The following CLVS1 variants were observed in gnomAD, a reference collection of about 807,000 sequenced individuals.
CLVS1 encodes the protein clavesin 1.
In CLVS1, 10 loss-of-function variants were observed where a neutral mutation model predicts 33.1. That is an observed-to-expected ratio of 0.30 (90% CI 0.19 to 0.51). The LOEUF is 0.51. Ranked by LOEUF, CLVS1 falls within the 20% of genes least tolerant of loss-of-function variation. CLVS1 has a pLI of 0.97. For missense variants in CLVS1, 343 were observed against 433.4 expected, an observed-to-expected ratio of 0.79 and a Z score of 1.85; for synonymous variants, 163 against 166.1, an observed-to-expected ratio of 0.98 and a Z score of 0.14.
chr8:61,012,606 TATGGGTGGA>T, the CLVS1 span, among the ~76,000 whole-genome samples: 4 of 152,124 alleles, frequency 2.6e-5, no homozygotes, highest in Admixed American at 2.6e-4. Flanking sequence ...ATGACATGTA[TATGGGTGGA>T]ATGGGGAGGG....
intron 1 of CLVS1, among the ~76,000 whole-genome samples, chr8:61,295,800 T>C (rs1810178530): frequency 6.6e-6 from 1 of 152,086 alleles, no homozygotes; most frequent in Admixed American, 6.6e-5. Flanking sequence ...AGTTTCCTCA[T>C]TTGAAAAATG....
rs1805358139 is a variant in CLVS1, at chr8:61,096,727, GA to G, written c.-242-35040del. Among the ~76,000 whole-genome samples, 4 of 152,126 alleles carry G rather than the reference GA, an allele frequency of 2.6e-5. No homozygotes were observed. The South Asian group carries it at 8.3e-4, about 32-fold the overall frequency. On this transcript the variant is annotated intron_variant, in intron 1 of 2. Coordinates refer to the CLVS1 transcript ENST00000522621. Reference sequence around the variant, plus strand: ...GATCTGTGTTTTGGAATGGTGAAGAGAAAGCAGATTCCCTCTCTCACAGGAT... The same window carrying G: ...GATCTGTGTTTTGGAATGGTGAAGAGAAGCAGATTCCCTCTCTCACAGGAT...
the CLVS1 span, among the ~76,000 whole-genome samples, chr8:60,987,980 G>A: frequency 1.3e-5 from 2 of 152,256 alleles, no homozygotes; most frequent in Non-Finnish European, 2.9e-5. Flanking sequence ...AGTCTGAAAT[G>A]GGGTGGGGAG....
chr8:61,076,267 T>A (rs1377291412), intron 1 of CLVS1, among the ~76,000 whole-genome samples: 1 of 152,180 alleles, frequency 6.6e-6, no homozygotes, highest in Non-Finnish European at 1.5e-5. Context: ...TTTCCCCTAT[T>A]TACAGTTTAT....
intron 2 of CLVS1, among the ~76,000 whole-genome samples, chr8:61,221,499 G>A (rs913299257): frequency 6.6e-6 from 1 of 152,112 alleles, no homozygotes; most frequent in Non-Finnish European, 1.5e-5. Context: ...ATTGATTTGT[G>A]TATGTTGAAT....
intron 1 of CLVS1, among the ~76,000 whole-genome samples, chr8:61,109,300 T>C (rs949301044): frequency 1.3e-5 from 2 of 152,150 alleles, no homozygotes; most frequent in Non-Finnish European, 2.9e-5. Flanking sequence ...TCAAAGGCCC[T>C]GGCACCTGTG....
intron 2 of CLVS1, among the ~76,000 whole-genome samples, chr8:61,356,985 A>G (rs1585852108): frequency 6.6e-6 from 1 of 152,256 alleles, no homozygotes; most frequent in African/African-American, 2.4e-5. Context: ...ATGGCCTTGA[A>G]TCTACAAATT....
chr8:61,334,104 A>G (rs956894967), intron 2 of CLVS1, among the ~76,000 whole-genome samples: 4 of 152,150 alleles, frequency 2.6e-5, no homozygotes, highest in Non-Finnish European at 5.9e-5. Flanking sequence ...TCTATCACTG[A>G]TGGACATTTA....
intron 2 of CLVS1, among the ~76,000 whole-genome samples, chr8:61,228,767 A>G (rs1808378037): frequency 6.6e-6 from 1 of 152,144 alleles, no homozygotes. Context: ...GTGTACATGT[A>G]CCACATTTTT....
Position 61,232,023 on chromosome 8 carries a change from G to GTTTGTTTGTTTGTTTGTTTTTTTTTTTTT in CLVS1, c.-151-67651_-151-67650insGTTTGTTTGTTTGTTTTTTTTTTTTTTTT. 1.7e-3 allele frequency among the ~76,000 whole-genome samples: 105 copies of GTTTGTTTGTTTGTTTGTTTTTTTTTTTTT among 62,654 alleles called. 16 individuals are homozygous for GTTTGTTTGTTTGTTTGTTTTTTTTTTTTT. Among genetic ancestry groups the GTTTGTTTGTTTGTTTGTTTTTTTTTTTTT allele is most frequent in the African/African-American group, 4.3e-3 (90 of 21,120 alleles). 41.1% of individuals were successfully genotyped at this position (62,654 alleles called of 152,430 possible). A position where few individuals can be genotyped will look rare whatever the true frequency, so the allele number is the denominator to read the frequency against. The stretch of plus-strand genomic sequence containing the variant: ...AGAAGGAGCCCTGAGGAAAGTTGTG[G>GTTTGTTTGTTTGTTTGTTTTTTTTTTTTT]TTTTTTTTTTTTTTTTTTTTTTTTT... On this transcript the variant is annotated intron_variant, in intron 2 of 2. Coordinates refer to the CLVS1 transcript ENST00000522621.
At chr8:61,461,275 G>T (rs988348128) in intron 5 of CLVS1, among the ~76,000 whole-genome samples, 12 of 152,134 alleles carry the variant, frequency 7.9e-5, no homozygotes, top group Non-Finnish European at 4.4e-5. Flanking sequence ...TTGGGGTATT[G>T]TCCCCATTAA....
In CLVS1 at chr8:61,245,244, G is replaced by A. The variant is rs999188027; in HGVS notation, c.-151-54433G>A. 1.3e-4 allele frequency among the ~76,000 whole-genome samples: 19 copies of A among 151,930 alleles called. 1 individual carries two copies. The highest frequency in any genetic ancestry group is 3.9e-4 in the Admixed American group (6 of 15,232). On this transcript the variant is annotated intron_variant, in intron 2 of 2. Coordinates refer to the CLVS1 transcript ENST00000522621. The stretch of plus-strand genomic sequence containing the variant: ...TGACAGAGTCTTGCTCTGTTGGTAG[G>A]TGATCTCAGCTCACTGCAACCTCTG...
At chr8:61,285,778 C>T (rs1328709138), upstream of CLVS1, among the ~76,000 whole-genome samples, 2 of 152,022 alleles carry the variant, frequency 1.3e-5, no homozygotes, top group African/African-American at 4.8e-5. Context: ...GCTTAATACC[C>T]AGAGAAATAC....
chr8:61,119,633 G>A (rs921892414), intron 1 of CLVS1, among the ~76,000 whole-genome samples: 2 of 149,370 alleles, frequency 1.3e-5, no homozygotes, highest in African/African-American at 5.1e-5. Context: ...CGCTTATGAA[G>A]CTTAGTTTGG....
At chr8:61,279,859 A>G (rs2129593138) in intron 2 of CLVS1, among the ~76,000 whole-genome samples, 1 of 152,356 alleles carries the variant, frequency 6.6e-6, no homozygotes, top group South Asian at 2.1e-4. Flanking sequence ...ATTCAGAAAT[A>G]ATACTAACTT....
At chr8:61,033,867 G>C in the CLVS1 span, among the ~76,000 whole-genome samples, 13 of 152,340 alleles carry the variant, frequency 8.5e-5, no homozygotes, top group East Asian at 2.1e-3. Context: ...AGAAACAAGA[G>C]AGACTGATGT....
intron 2 of CLVS1, among the ~76,000 whole-genome samples, chr8:61,200,814 G>A (rs184916130): frequency 9.9e-4 from 151 of 152,186 alleles, no homozygotes; most frequent in Middle Eastern, 3.4e-3. Context: ...TTCTTCATTA[G>A]TGAATCTGAA....
At chr8:61,325,477 T>C (rs184991924) in intron 2 of CLVS1, among the ~76,000 whole-genome samples, 82 of 152,296 alleles carry the variant, frequency 5.4e-4, no homozygotes, top group African/African-American at 1.8e-3. Flanking sequence ...AGTGTTTTTA[T>C]CATTGTGACT....
intron 3 of CLVS1, among the ~76,000 whole-genome samples, chr8:61,424,366 A>G (rs1157571079): frequency 2.0e-5 from 3 of 152,186 alleles, no homozygotes; most frequent in Non-Finnish European, 4.4e-5. Flanking sequence ...ACTAATTCCT[A>G]ATTTGTTTGT....
Sources: gnomAD v4.1 joint callset for allele counts (sites outside exome capture counted in the v4.1 genomes callset) on GRCh38, gnomAD v4.1.1 for gene constraint, MANE v1.5 for transcripts, NCBI Gene and HGNC (gene_info 2026-07-23, HGNC 2026-07-21) for gene names.